PLPP1: variants seen among roughly 807,000 people sequenced by gnomAD.
PLPP1 encodes the protein phospholipid phosphatase 1, also known as lipid phosphate phosphohydrolase 1a.
PLPP1 carries 24 observed loss-of-function variants against 31.2 expected under a neutral mutation model. The ratio of observed to expected loss-of-function variants is 0.77; its 90% CI spans 0.56 to 1.08. The LOEUF (loss-of-function observed/expected upper bound fraction) is 1.08. PLPP1 is among the 50% of genes least tolerant of loss of function. The pLI, the probability that PLPP1 is intolerant of heterozygous loss-of-function variation, is 0.00. For missense variants in PLPP1, 319 were observed against 342.7 expected (o/e 0.93, Z 0.55); for synonymous variants, 146 against 126.3 (o/e 1.16, Z -1.05).
At position 55,446,290 on chromosome 5, in the gene PLPP1, T is replaced by C. The variant is rs190617666; in HGVS notation, c.492-4382A>G. 3.5e-4 allele frequency among the ~76,000 whole-genome samples: 54 copies of C among 152,306 alleles called. No homozygotes were observed. In the East Asian group the frequency reaches 0.01, roughly 29 times the overall value. ...CTTCTCTATTTTTCATCTAGGTCTC[T>C]TTAGGTGTATCTTTCATTTTGTCAT... On this transcript the variant is annotated intron_variant, in intron 3 of 5. Coordinates refer to ENST00000307259, the MANE Select transcript of PLPP1 (RefSeq NM_003711.4).
intron 2 of PLPP1, 170 bp from the exon 3 acceptor site, chr5:55,468,319 T>C (rs1435517710): frequency 1.7e-6 from 1 of 589,066 alleles, no homozygotes; most frequent in African/African-American, 1.9e-5. Context: ...GATATCCAAT[T>C]CTAAACCACA....
intron 3 of PLPP1, among the ~76,000 whole-genome samples, chr5:55,464,528 T>A (rs1014791193): frequency 3.9e-5 from 6 of 152,154 alleles, no homozygotes; most frequent in Non-Finnish European, 8.8e-5. Flanking sequence ...TGAGCCACCA[T>A]ACCCAGCCAG....
At chr5:55,513,268 C>CTTTTTTCTTTT (rs1753479329) in intron 1 of PLPP1, among the ~76,000 whole-genome samples, 1 of 117,572 alleles carries the variant, frequency 8.5e-6, no homozygotes, top group East Asian at 2.3e-4. Flanking sequence ...ATAATGACTC[C>CTTTTTTCTTTT]TTTTTTTTTA....
At chr5:55,481,143 C>G (rs761777822) in intron 1 of PLPP1, among the ~76,000 whole-genome samples, 2 of 152,180 alleles carry the variant, frequency 1.3e-5, no homozygotes, top group Non-Finnish European at 2.9e-5. Flanking sequence ...CACACCACAT[C>G]TTCTTTAACT....
At chr5:55,438,837 CT>C (rs1751556010) in intron 4 of PLPP1, among the ~76,000 whole-genome samples, 1 of 151,198 alleles carries the variant, frequency 6.6e-6, no homozygotes, top group African/African-American at 2.4e-5. Context: ...GGAGGTGGAG[CT>C]TGCAGTGAGC....
chr5:55,429,766 T>C (rs1241445850), intron 4 of PLPP1, among the ~76,000 whole-genome samples: 1 of 151,948 alleles, frequency 6.6e-6, no homozygotes, highest in African/African-American at 2.4e-5. Flanking sequence ...GGCCAAAGTA[T>C]ACAAGCTACT....
chr5:55,492,693 C>T (rs1752920463), intron 1 of PLPP1, among the ~76,000 whole-genome samples: 1 of 152,198 alleles, frequency 6.6e-6, no homozygotes, highest in Admixed American at 6.5e-5. Flanking sequence ...TTGTAGCCAA[C>T]ATGTATTGCA....
At chr5:55,436,295 G>A (rs185562879) in intron 4 of PLPP1, among the ~76,000 whole-genome samples, 1 of 152,142 alleles carries the variant, frequency 6.6e-6, no homozygotes, top group African/African-American at 2.4e-5. Context: ...TGTTGTGGGA[G>A]GGACCCAGTG....
At chr5:55,475,677 T>C (rs1305053892) in intron 1 of PLPP1, among the ~76,000 whole-genome samples, 1 of 152,218 alleles carries the variant, frequency 6.6e-6, no homozygotes, top group Non-Finnish European at 1.5e-5. Context: ...AAATCCTCTA[T>C]TAACCAATTT....
At chr5:55,529,249 G>A (rs186785252) in intron 1 of PLPP1, among the ~76,000 whole-genome samples, 107 of 119,114 alleles carry the variant, frequency 9.0e-4, no homozygotes, top group African/African-American at 3.0e-3. Context: ...ACACACATAC[G>A]TGTATATATA....
chr5:55,523,214 T>C (rs901462956), intron 1 of PLPP1, among the ~76,000 whole-genome samples: 2 of 152,174 alleles, frequency 1.3e-5, no homozygotes, highest in African/African-American at 4.8e-5. Flanking sequence ...CCTCAACCAT[T>C]TATTCTTTGT....
chr5:55,505,568 C>T (rs80091375), intron 1 of PLPP1, among the ~76,000 whole-genome samples: 6,622 of 151,326 alleles, frequency 0.044, 207 homozygotes, highest in Non-Finnish European at 0.067. Context: ...AATTCTGTAA[C>T]GGAGAAAAAA....
At chr5:55,511,860 G>A (rs1311411756) in intron 1 of PLPP1, among the ~76,000 whole-genome samples, 1 of 150,372 alleles carries the variant, frequency 6.7e-6, no homozygotes, top group Non-Finnish European at 1.5e-5. Flanking sequence ...TAGTAGAGAC[G>A]GGGTTTCACC....
At chr5:55,475,519 A>AGTT in intron 1 of PLPP1, 69 bp from the exon 2 acceptor site, 7 of 1,370,426 alleles carry the variant, frequency 5.1e-6, no homozygotes, top group Non-Finnish European at 6.9e-6. Flanking sequence ...GGCAATAATT[A>AGTT]TCCCACAGAC....
rs374022896 is a variant in PLPP1, at chr5:55,434,874, A to T, written c.549+6977T>A. On this transcript the variant is annotated intron_variant, in intron 4 of 5. Coordinates refer to ENST00000307259, the MANE Select transcript of PLPP1 (RefSeq NM_003711.4). The stretch of plus-strand genomic sequence containing the variant: ...AAAGATTTTATGGCTAAGACCTTGA[A>T]CACAGAGGCAATAAAAATAGACAAA... Among the ~76,000 whole-genome samples the T allele has an allele frequency of 5.1e-4, 77 of 152,338 alleles. No individual in the cohort carries two copies. In the East Asian group the frequency reaches 5.2e-3, roughly 10 times the overall value.
intron 3 of PLPP1, among the ~76,000 whole-genome samples, chr5:55,447,961 C>T (rs920192898): frequency 6.6e-6 from 1 of 152,146 alleles, no homozygotes; most frequent in African/African-American, 2.4e-5. Context: ...ATGTTATTTC[C>T]TGATTATAAA....
At chr5:55,440,473 G>C (rs912626275) in intron 4 of PLPP1, among the ~76,000 whole-genome samples, 2 of 152,200 alleles carry the variant, frequency 1.3e-5, no homozygotes, top group South Asian at 4.1e-4. Context: ...ATGAACAGAA[G>C]ATGTCAGAAT....
chr5:55,486,043 G>A (rs1218724800), intron 1 of PLPP1, among the ~76,000 whole-genome samples: 1 of 152,084 alleles, frequency 6.6e-6, no homozygotes, highest in Non-Finnish European at 1.5e-5. Context: ...ATTTGTGTAT[G>A]AGAACACCTG....
intron 1 of PLPP1, among the ~76,000 whole-genome samples, chr5:55,497,838 T>C (rs1220112933): frequency 7.9e-5 from 12 of 152,142 alleles, no homozygotes; most frequent in Non-Finnish European, 1.3e-4. Context: ...AGCCATGCCC[T>C]CTGGGAGAGC....
Sources: allele counts gnomAD v4.1 joint callset (sites outside exome capture counted in the v4.1 genomes callset), GRCh38; gene constraint gnomAD v4.1.1; transcripts MANE v1.5; gene names NCBI Gene and HGNC (gene_info 2026-07-23, HGNC 2026-07-21).